The following EEIG2 variants were observed in gnomAD, a reference collection of about 807,000 sequenced individuals.
The protein encoded by EEIG2 is family with sequence similarity 102 member B.
At chr1:108,612,423 T>TTCA in the EEIG2 span, 1 of 585,616 alleles carries the variant, frequency 1.7e-6, no homozygotes. Flanking sequence ...CACTGAAGTA[T>TTCA]TCATCACTTA....
chr1:108,633,141 G>C, the EEIG2 span, among the ~76,000 whole-genome samples: 1 of 152,112 alleles, frequency 6.6e-6, no homozygotes, highest in Non-Finnish European at 1.5e-5. Flanking sequence ...GTCTTAGACT[G>C]CCTGGGATCA....
At chr1:108,616,887 T>C in the EEIG2 span, among the ~76,000 whole-genome samples, 6 of 152,088 alleles carry the variant, frequency 3.9e-5, no homozygotes, top group Non-Finnish European at 7.4e-5. Context: ...AAACGGTTCA[T>C]AAGCGCTTTG....
At chr1:108,593,929 C>T in the EEIG2 span, among the ~76,000 whole-genome samples, 1 of 152,108 alleles carries the variant, frequency 6.6e-6, no homozygotes, top group African/African-American at 2.4e-5. Flanking sequence ...CCTCAGCTGC[C>T]CGAGAAGCTG....
chr1:108,569,419 T>C, the EEIG2 span, among the ~76,000 whole-genome samples: 1 of 152,206 alleles, frequency 6.6e-6, no homozygotes, highest in African/African-American at 2.4e-5. Context: ...CTTGAATTCC[T>C]GTGCTCAAGC....
chr1:108,621,560 G>A, the EEIG2 span, among the ~76,000 whole-genome samples: 22 of 152,304 alleles, frequency 1.4e-4, no homozygotes, highest in Admixed American at 4.6e-4. Context: ...GTGGAGTCAG[G>A]CTGGAAGGGA....
chr1:108,616,560 G>A, the EEIG2 span: 2 of 614,116 alleles, frequency 3.3e-6, no homozygotes, highest in Admixed American at 3.1e-5. Context: ...TTCCCTGGGA[G>A]ACTGACCTGA....
the EEIG2 span, among the ~76,000 whole-genome samples, chr1:108,622,106 G>A: frequency 4.6e-5 from 7 of 152,158 alleles, no homozygotes; most frequent in South Asian, 2.1e-4. Context: ...GCAGTGAGCC[G>A]AGAGTGCGCC....
the EEIG2 span, among the ~76,000 whole-genome samples, chr1:108,588,529 G>C: frequency 1.3e-5 from 2 of 152,046 alleles, no homozygotes; most frequent in South Asian, 4.1e-4. Flanking sequence ...TTGACAATTT[G>C]TAATTGTATA....
At chr1:108,569,712 C>A in the EEIG2 span, among the ~76,000 whole-genome samples, 434 of 152,246 alleles carry the variant, frequency 2.9e-3, 7 homozygotes, top group East Asian at 0.011. Flanking sequence ...CTTCCTAAAT[C>A]TTTCACTATA....
chr1:108,624,498 G>A, the EEIG2 span: 5 of 526,444 alleles, frequency 9.5e-6, no homozygotes, highest in African/African-American at 1.9e-5. Context: ...ATGCTTATAC[G>A]TTATTTGCTG....
At chr1:108,583,784 G>T in the EEIG2 span, among the ~76,000 whole-genome samples, 1 of 152,032 alleles carries the variant, frequency 6.6e-6, no homozygotes, top group Non-Finnish European at 1.5e-5. Flanking sequence ...ACCGGGACAA[G>T]ATAATAAAGC....
the EEIG2 span, among the ~76,000 whole-genome samples, chr1:108,597,289 T>C: frequency 6.6e-6 from 1 of 152,150 alleles, no homozygotes; most frequent in African/African-American, 2.4e-5. Flanking sequence ...GAAGAACAGG[T>C]GCCTGGTTCT....
chr1:108,618,114 A>G, the EEIG2 span, among the ~76,000 whole-genome samples: 1 of 152,190 alleles, frequency 6.6e-6, no homozygotes, highest in East Asian at 1.9e-4. Context: ...ATTCATTTTT[A>G]AGATGGAAGA....
the EEIG2 span, among the ~76,000 whole-genome samples, chr1:108,589,328 A>C: frequency 6.6e-6 from 1 of 152,132 alleles, no homozygotes; most frequent in Admixed American, 6.6e-5. Flanking sequence ...CACTTTATGC[A>C]TATCCCCATT....
chr1:108,583,740 G>C, the EEIG2 span, among the ~76,000 whole-genome samples: 2 of 152,050 alleles, frequency 1.3e-5, no homozygotes, highest in Non-Finnish European at 2.9e-5. Context: ...TTGCAGAATA[G>C]TTAGGATCGC....
the EEIG2 span, among the ~76,000 whole-genome samples, chr1:108,579,758 T>TGAGAGAGAGA: frequency 2.8e-5 from 1 of 36,208 alleles, no homozygotes; most frequent in South Asian, 1.2e-3. Flanking sequence ...TGTGTGTGTG[T>TGAGAGAGAGA]GTGTGTGTGT....
the EEIG2 span, chr1:108,600,441 T>C: frequency 9.1e-7 from 1 of 1,095,328 alleles, no homozygotes; most frequent in Non-Finnish European, 1.3e-6. Context: ...CCTGCTACAC[T>C]GTTTACAAAT....
chr1:108,593,317 AATC>A, the EEIG2 span, among the ~76,000 whole-genome samples: 1 of 152,206 alleles, frequency 6.6e-6, no homozygotes, highest in Non-Finnish European at 1.5e-5. Flanking sequence ...ATGAGAATCT[AATC>A]ATCATCATGA....
chr1:108,597,692 C>T, the EEIG2 span, among the ~76,000 whole-genome samples: 1 of 152,242 alleles, frequency 6.6e-6, no homozygotes. Context: ...ATTTTTGTCT[C>T]TAGTTCTCTT....
Sources: allele counts gnomAD v4.1 joint callset (sites outside exome capture counted in the v4.1 genomes callset), GRCh38; gene constraint gnomAD v4.1.1; transcripts MANE v1.5; gene names NCBI Gene and HGNC (gene_info 2026-07-23, HGNC 2026-07-21).